The following CEMIP2 variants were observed in gnomAD, a reference collection of about 807,000 sequenced individuals.
CEMIP2 encodes cell migration inducing hyaluronidase 2.
CEMIP2 carries 79 observed loss-of-function variants against 146.9 expected under a neutral mutation model. The observed-to-expected ratio is 0.54, with a 90% CI of 0.45 to 0.65. The LOEUF is 0.65. Among genes scored for constraint, CEMIP2 ranks in the 30% least tolerant of loss-of-function variants. The probability of loss-of-function intolerance (pLI) is 0.00; values close to 1 mark genes in which losing one functional copy is unlikely to be tolerated. For synonymous variants in CEMIP2, 601 were observed against 606.3 expected (o/e 0.99, Z 0.13); for missense variants, 1,596 against 1,696.2 (o/e 0.94, Z 1.04).
rs201093597 is a variant in CEMIP2 at position 71,714,894 on chromosome 9, T to C, written c.2591+40A>G. 1,314 of 1,590,382 alleles carry C rather than the reference T, an allele frequency of 8.3e-4. 9 individuals are homozygous for C. Among genetic ancestry groups the C allele is most frequent in the Non-Finnish European group, 1.8e-4 (211 of 1,169,684 alleles). On this transcript the variant is annotated intron_variant, in intron 15 of 23. Transcript: ENST00000377044. ...TCCCTGAGGGTTAGGTTTTCCTTTA[T>C]TGCTTAAATTTAACACTCCACAGCT...
In CEMIP2 at chr9:71,745,560, G is replaced by A; in HGVS notation, c.492C>T (p.Asp164=). The change falls in exon 4 of 24, where the codon GAC becomes GAT. Residue 164 remains aspartate (D), a synonymous_variant. Coordinates refer to ENST00000377044, the MANE Select transcript of CEMIP2 (RefSeq NM_013390.3). ...TAATATTTCTGGATCCATCTTTATTGTCCCCAAATACAAGCAGTCCTGCAG... is the reference window on the plus strand; with the variant it reads ...TAATATTTCTGGATCCATCTTTATTATCCCCAAATACAAGCAGTCCTGCAG... ...IQDGGLLVFG[D]NKDGSRNITL... 2 of 1,607,246 alleles carry A rather than the reference G, an allele frequency of 1.2e-6. No individual in the cohort carries two copies. The highest frequency in any genetic ancestry group is 8.5e-7 in the Non-Finnish European group (1 of 1,177,890).
intron 13 of CEMIP2, 85 bp from the exon 14 acceptor site, chr9:71,716,637 A>G (rs1823065448): frequency 2.5e-6 from 3 of 1,219,700 alleles, no homozygotes; most frequent in Non-Finnish European, 3.5e-6. Flanking sequence ...AATTATCATG[A>G]AATCCAAAAG....
intron 15 of CEMIP2, 129 bp downstream of exon 15, chr9:71,714,805 A>C: frequency 1.1e-6 from 1 of 894,982 alleles, no homozygotes; most frequent in Non-Finnish European, 1.6e-6. Context: ...AGTAGTAATA[A>C]ATGATAAAAT....
At position 71,750,351 on chromosome 9, in the gene CEMIP2, C is replaced by A. The variant is rs768078882; in HGVS notation, c.23G>T (p.Gly8Val). 7.4e-6 allele frequency: 12 copies of A among 1,612,100 alleles called. No homozygotes were observed. In the Admixed American group the frequency reaches 1.3e-4, roughly 18 times the overall value. Residue 8 changes from glycine (G) to valine (V), a missense_variant, in exon 2 of 24, where the codon GGA becomes GTA. By Grantham distance (109) the Gly-to-Val change is moderately radical. Transcript: ENST00000377044. The stretch of plus-strand genomic sequence containing the variant: ...AGGTTGGAGGAAAGCAGGGGAGTGT[C>A]CCCTGGAATCAGTGGCATACATGAT... The part of the protein sequence containing the change: MYATDSR[G>V]HSPAFLQPQN...
intron 12 of CEMIP2, among the ~76,000 whole-genome samples, chr9:71,721,719 T>C (rs1432307262): frequency 6.6e-6 from 1 of 152,206 alleles, no homozygotes; most frequent in Non-Finnish European, 1.5e-5. Context: ...CATAAACTGG[T>C]CAATCAATTT....
intron 17 of CEMIP2, among the ~76,000 whole-genome samples, chr9:71,708,494 C>T (rs1822817775): frequency 1.3e-5 from 2 of 152,216 alleles, no homozygotes; most frequent in Admixed American, 6.5e-5. Context: ...CATTGTGTAC[C>T]GACATAGAGA....
At position 71,700,643 on chromosome 9, in the gene CEMIP2, C is replaced by T; in HGVS notation, c.3376G>A (p.Gly1126Arg). ...ERKFYFDSST[G>R]LLFLYLKAKS... ...CATTCCCTGGTTTCACTGAATTACCCCGTGCTGGAGTCAAAATAGAATTTC... is the reference window on the plus strand; with the variant it reads ...CATTCCCTGGTTTCACTGAATTACCTCGTGCTGGAGTCAAAATAGAATTTC... Residue 1126 changes from glycine (G) to arginine (R), a missense_variant and splice_region_variant, in exon 19 of 24, where the codon GGG (glycine) becomes AGG (arginine). Physicochemically the swap from Gly to Arg is moderately radical, Grantham distance 125. Coordinates refer to ENST00000377044, the MANE Select transcript of CEMIP2 (RefSeq NM_013390.3). The T allele has an allele frequency of 6.3e-7, 1 of 1,587,828 alleles. No individual in the cohort carries two copies. The highest frequency in any genetic ancestry group is 1.4e-5 in the African/African-American group (1 of 73,570).
chr9:71,713,548 T>A (rs1822968735), intron 15 of CEMIP2, among the ~76,000 whole-genome samples: 1 of 152,196 alleles, frequency 6.6e-6, no homozygotes, highest in African/African-American at 2.4e-5. Flanking sequence ...AATGAGAAAG[T>A]TTGATTTTGG....
intron 3 of CEMIP2, 99 bp from the exon 4 acceptor site, chr9:71,745,678 G>A: frequency 8.0e-7 from 1 of 1,242,986 alleles, no homozygotes; most frequent in Non-Finnish European, 1.1e-6. Context: ...CCGCAATTAG[G>A]TCGGAAAAAA....
rs1487190464 is a variant in CEMIP2 at position 71,691,986 on chromosome 9, G to A, written c.3697-1740C>T. ...TAGCTGGGCATGGTGCCTAGCACCT[G>A]TAATCCCAGTTACTCGGGAGGCTGA... On this transcript the variant is annotated intron_variant, in intron 21 of 23. Transcript: ENST00000377044. 2.6e-5 allele frequency among the ~76,000 whole-genome samples: 4 copies of A among 152,050 alleles called. No homozygotes were observed. The East Asian group carries it at 7.7e-4, about 29-fold the overall frequency.
intron 22 of CEMIP2, chr9:71,686,957 C>T (rs370012286): frequency 6.6e-6 from 1 of 152,068 alleles, no homozygotes; most frequent in Non-Finnish European, 1.5e-5. Context: ...AATAAATAAA[C>T]GACTAAATGT....
chr9:71,730,713 C>A lies in CEMIP2; in HGVS notation c.1765G>T (p.Gly589Cys). 6.2e-7 allele frequency: 1 copy of A among 1,614,112 alleles called. No individual in the cohort carries two copies. Among genetic ancestry groups the A allele is most frequent in the East Asian group, 2.2e-5 (1 of 44,872 alleles). ...AATGCGAGGCTACTTACTAGCAAGC[C>A]ATTTGTCCCATGCACAGTGATGCAC... ...SRCITVHGTN[G>C]LLIKDTIGFD... Residue 589 changes from glycine (G) to cysteine (C), a missense_variant, in exon 8 of 24, where the codon GGC becomes TGC. Coordinates refer to ENST00000377044, the MANE Select transcript of CEMIP2 (RefSeq NM_013390.3).
rs571527768 is a variant in CEMIP2 at position 71,704,926 on chromosome 9, CTAAG to C, written c.2986-127_2986-124del. 9 of 898,444 alleles carry C rather than the reference CTAAG, an allele frequency of 1.0e-5. No homozygotes were observed. The East Asian group carries it at 2.1e-4, about 21-fold the overall frequency. 55.7% of individuals were successfully genotyped at this position (898,444 alleles called of 1,614,324 possible). ...GGGAGATTCTGTGATCTGTGCCAGA[CTAAG>C]TGAGCAGCAGCCAACTACATCCTCA... is the stretch of plus-strand genomic sequence containing the variant. On this transcript the variant is annotated intron_variant, in intron 17 of 23. Coordinates refer to ENST00000377044, the MANE Select transcript of CEMIP2 (RefSeq NM_013390.3).
intron 1 of CEMIP2, among the ~76,000 whole-genome samples, chr9:71,763,639 A>G (rs563129462): frequency 6.6e-6 from 1 of 152,342 alleles, no homozygotes; most frequent in South Asian, 2.1e-4. Flanking sequence ...GACCCTTGAT[A>G]CAACAAATGT....
chr9:71,757,430 G>C (rs1824496338), intron 1 of CEMIP2, among the ~76,000 whole-genome samples: 1 of 152,130 alleles, frequency 6.6e-6, no homozygotes, highest in Admixed American at 6.5e-5. Context: ...CTTTCGGAGA[G>C]TTTCAGTACA....
chr9:71,685,410 A>AAAAG lies in CEMIP2; in HGVS notation c.3956-21_3956-18dup, dbSNP rs1554678970. On this transcript the variant is annotated splice_polypyrimidine_tract_variant and intron_variant, in intron 23 of 23. Coordinates refer to ENST00000377044, the MANE Select transcript of CEMIP2 (RefSeq NM_013390.3). Reference sequence around the variant, plus strand: ...TGGTACTCCCTAAAAAAAAAAAAAAAAAAGAAAAAGAAAAAAAATCAATTT... The same window carrying AAAAG: ...TGGTACTCCCTAAAAAAAAAAAAAAAAAAGAAAGAAAAAGAAAAAAAATCAATTT... 1 of 1,482,644 alleles carries AAAAG rather than the reference A, an allele frequency of 6.7e-7. No individual in the cohort carries two copies. The highest frequency in any genetic ancestry group is 1.5e-5 in the African/African-American group (1 of 68,592). The allele number at this position is 1,482,644 out of a possible 1,614,324, so 91.8% of individuals were successfully genotyped here.
At chr9:71,687,569 C>T (rs1438708335) in intron 22 of CEMIP2, 1 of 151,608 alleles carries the variant, frequency 6.6e-6, no homozygotes, top group Non-Finnish European at 1.5e-5. Context: ...TGGCTCATGC[C>T]TTTAATTTCA....
intron 10 of CEMIP2, among the ~76,000 whole-genome samples, chr9:71,728,277 A>ACACG (rs1554684713): frequency 1.1e-3 from 12 of 10,774 alleles, no homozygotes; most frequent in African/African-American, 2.1e-3. Context: ...ATATATATAT[A>ACACG]TATGTATATA....
intron 1 of CEMIP2, among the ~76,000 whole-genome samples, chr9:71,762,563 C>T (rs13299225): frequency 0.24 from 35,419 of 145,336 alleles, 4,399 homozygotes; most frequent in South Asian, 0.35. Context: ...ACAGGGGCTA[C>T]GTGACAAGCC....
Sources: allele counts gnomAD v4.1 joint callset (sites outside exome capture counted in the v4.1 genomes callset), GRCh38; gene constraint gnomAD v4.1.1; transcripts MANE v1.5; gene names NCBI Gene and HGNC (gene_info 2026-07-23, HGNC 2026-07-21).